Variants in FRMPD4 observed in about 807,000 individuals in gnomAD.
The protein encoded by FRMPD4 is FERM and PDZ domain containing 4, also known as FERM and PDZ domain-containing protein 4.
FRMPD4 carries 22 observed loss-of-function variants against 94.1 expected under a neutral mutation model. The observed-to-expected ratio is 0.23, with a 90% confidence interval of 0.17 to 0.33. The LOEUF is 0.33. Among genes scored for constraint, FRMPD4 ranks in the 10% least tolerant of loss-of-function variants. The probability of loss-of-function intolerance (pLI) is 1.00; values close to 1 mark genes in which losing one functional copy is unlikely to be tolerated. For missense variants in FRMPD4, 1,111 were observed against 1,339.9 expected, an observed-to-expected ratio of 0.83 and a Z score of 2.67; for synonymous variants, 631 against 548.6, an observed-to-expected ratio of 1.15 and a Z score of -2.10.
chrX:11,915,404 C>T (rs1052451987), intron 3 of FRMPD4, among the ~76,000 whole-genome samples: 2 of 112,036 alleles, frequency 1.8e-5, no homozygotes, highest in Non-Finnish European at 3.8e-5. Flanking sequence ...GAAATGCTGC[C>T]CTACATTTGT....
chrX:12,104,163 T>C (rs1246492474), intron 3 of FRMPD4, among the ~76,000 whole-genome samples: 2 of 112,586 alleles, frequency 1.8e-5, no homozygotes, highest in African/African-American at 6.5e-5. Flanking sequence ...TATTAATTCA[T>C]TTGTGAGGGC....
rs770224841 is a variant in FRMPD4 at position 12,633,874 on chromosome X, C to G, written c.422+18993C>G. Among the ~76,000 whole-genome samples the G allele has an allele frequency of 1.4e-4, 16 of 111,955 alleles. No homozygotes were observed. The Admixed American group carries it at 1.5e-3, about 11-fold the overall frequency. Reference sequence around the variant, plus strand: ...TTATGTGCACCAAGTTATTTACCACCGTGTAGTAGACAATAAAAAGCAGTT... The same window carrying G: ...TTATGTGCACCAAGTTATTTACCACGGTGTAGTAGACAATAAAAAGCAGTT... On this transcript the variant is annotated intron_variant, in intron 4 of 16. Coordinates refer to ENST00000675598, the MANE Select transcript of FRMPD4 (RefSeq NM_001368397.1).
intron 1 of FRMPD4, among the ~76,000 whole-genome samples, chrX:12,366,238 A>T (rs1304713163): frequency 1.8e-5 from 2 of 111,960 alleles, no homozygotes; most frequent in Non-Finnish European, 3.8e-5. Context: ...TTACAAAGGG[A>T]TGTATCAGGA....
At chrX:12,546,644 A>AG (rs949946983) in intron 2 of FRMPD4, among the ~76,000 whole-genome samples, 1 of 111,885 alleles carries the variant, frequency 8.9e-6, no homozygotes, top group Non-Finnish European at 1.9e-5. Context: ...AACCTATAAG[A>AG]GGTACCTGGT....
chrX:12,457,392 T>C (rs895481571), intron 1 of FRMPD4, among the ~76,000 whole-genome samples: 1 of 111,653 alleles, frequency 9.0e-6, no homozygotes, highest in African/African-American at 3.3e-5. Flanking sequence ...CAAAATAGAA[T>C]TGTTTGGCGA....
chrX:11,988,854 G>GT lies in FRMPD4; in HGVS notation c.95+110837dup, dbSNP rs1411996446. Among the ~76,000 whole-genome samples, 10 of 111,778 alleles carry GT rather than the reference G, an allele frequency of 8.9e-5. No individual in the cohort carries two copies. The East Asian group carries it at 2.8e-3, about 31-fold the overall frequency. Reference sequence around the variant, plus strand: ...AAATGGCAAACAGGCACATGAAAAGGTGCTCAACATCATTGAACATCAGAA... The same window carrying GT: ...AAATGGCAAACAGGCACATGAAAAGGTTGCTCAACATCATTGAACATCAGAA... On this transcript the variant is annotated intron_variant, in intron 3 of 18. Coordinates refer to the FRMPD4 transcript ENST00000640291.
intron 2 of FRMPD4, among the ~76,000 whole-genome samples, chrX:12,537,067 G>A (rs2058346695): frequency 9.0e-6 from 1 of 110,952 alleles, no homozygotes; most frequent in African/African-American, 3.3e-5. Context: ...ATATATTCAC[G>A]CTACTAAGAA....
intron 3 of FRMPD4, among the ~76,000 whole-genome samples, chrX:12,020,195 A>G (rs2054625236): frequency 8.9e-6 from 1 of 112,215 alleles, no homozygotes; most frequent in Non-Finnish European, 1.9e-5. Context: ...TAATTTAAAA[A>G]GTTATCTGGA....
intron 1 of FRMPD4, among the ~76,000 whole-genome samples, chrX:12,476,371 AC>A (rs2057598804): frequency 8.9e-6 from 1 of 111,907 alleles, no homozygotes; most frequent in Non-Finnish European, 1.9e-5. Flanking sequence ...CTAGAAGAAA[AC>A]CTAGGCAATA....
intron 4 of FRMPD4, among the ~76,000 whole-genome samples, chrX:12,643,518 G>A (rs1021846046): frequency 8.9e-6 from 1 of 112,077 alleles, no homozygotes; most frequent in African/African-American, 3.2e-5. Flanking sequence ...GCCATTAGAA[G>A]TTTTTGAAAG....
chrX:12,362,286 C>A (rs958568471), intron 1 of FRMPD4, among the ~76,000 whole-genome samples: 1 of 109,405 alleles, frequency 9.1e-6, no homozygotes, highest in Non-Finnish European at 1.9e-5. Flanking sequence ...ATACGTGTGC[C>A]ATGTTGGTGT....
At chrX:12,427,438 C>A (rs2148099148) in intron 1 of FRMPD4, among the ~76,000 whole-genome samples, 1 of 110,368 alleles carries the variant, frequency 9.1e-6, no homozygotes, top group African/African-American at 3.3e-5. Context: ...GATGAGTAGG[C>A]AAGTGATGAT....
chrX:12,528,558 T>C (rs1160180393), intron 2 of FRMPD4, among the ~76,000 whole-genome samples: 1 of 110,537 alleles, frequency 9.0e-6, no homozygotes, highest in Non-Finnish European at 1.9e-5. Flanking sequence ...TGACTTGTGA[T>C]CCACCCACCT....
intron 1 of FRMPD4, among the ~76,000 whole-genome samples, chrX:12,261,185 T>A (rs1266257157): frequency 8.9e-6 from 1 of 111,987 alleles, no homozygotes; most frequent in Non-Finnish European, 1.9e-5. Flanking sequence ...ATTTTGAGTC[T>A]GGATATAATC....
intron 3 of FRMPD4, among the ~76,000 whole-genome samples, chrX:11,923,294 C>G (rs1443894737): frequency 8.9e-6 from 1 of 112,350 alleles, no homozygotes; most frequent in African/African-American, 3.2e-5. Context: ...CCTGCCCTTG[C>G]ACTAACACTG....
At chrX:12,006,906 G>A (rs1383112452) in intron 3 of FRMPD4, among the ~76,000 whole-genome samples, 1 of 111,848 alleles carries the variant, frequency 8.9e-6, no homozygotes, top group African/African-American at 3.3e-5. Flanking sequence ...GGAGGAGAGT[G>A]AGGGTATATG....
intron 1 of FRMPD4, among the ~76,000 whole-genome samples, chrX:12,397,669 A>G (rs2148048204): frequency 9.0e-6 from 1 of 111,494 alleles, no homozygotes; most frequent in South Asian, 3.8e-4. Flanking sequence ...GAGAGACATC[A>G]GGGGCCTCAG....
At position 12,639,182 on chromosome X, in the gene FRMPD4, C is replaced by CT. The variant is rs1460805150; in HGVS notation, c.422+24307dup. Among the ~76,000 whole-genome samples, 4 of 112,066 alleles carry CT rather than the reference C, an allele frequency of 3.6e-5. No individual in the cohort carries two copies. In the East Asian group the frequency reaches 1.1e-3, roughly 31 times the overall value. ...CTTTAATATCTGAGTTGCTTTCTCT[C>CT]TTTTTTATGGGAGAACTCAAGGAGA... On this transcript the variant is annotated intron_variant, in intron 4 of 16. Coordinates refer to ENST00000675598, the MANE Select transcript of FRMPD4 (RefSeq NM_001368397.1).
intron 1 of FRMPD4, among the ~76,000 whole-genome samples, chrX:12,170,141 G>A (rs1317447594): frequency 3.7e-5 from 4 of 108,458 alleles, no homozygotes; most frequent in Non-Finnish European, 7.6e-5. Flanking sequence ...CATTCTGCTT[G>A]CTTTGATTTA....
Sources: allele counts gnomAD v4.1 joint callset (sites outside exome capture counted in the v4.1 genomes callset), GRCh38; gene constraint gnomAD v4.1.1; transcripts MANE v1.5; gene names NCBI Gene and HGNC (gene_info 2026-07-23, HGNC 2026-07-21).